Variants in EXOC4 observed in about 807,000 individuals in gnomAD.
EXOC4 encodes exocyst complex component 4.
In EXOC4, 71 loss-of-function variants were observed where a neutral mutation model predicts 107.2. The ratio of observed to expected loss-of-function variants is 0.66; its 90% CI spans 0.55 to 0.81. The LOEUF is 0.81. Ranked by LOEUF, EXOC4 falls within the 30% of genes least tolerant of loss-of-function variation. The probability of loss-of-function intolerance (pLI) is 0.00; values close to 1 mark genes in which losing one functional copy is unlikely to be tolerated. For missense variants in EXOC4, 1,108 were observed against 1,189.6 expected (o/e 0.93, Z 1.01); for synonymous variants, 456 against 441.2 (o/e 1.03, Z -0.42).
intron 10 of EXOC4, among the ~76,000 whole-genome samples, chr7:133,778,468 C>T (rs1420265514): frequency 6.6e-6 from 1 of 152,256 alleles, no homozygotes; most frequent in East Asian, 1.9e-4. Context: ...CCTGCAGTCT[C>T]AGCTACTGGG....
intron 9 of EXOC4, among the ~76,000 whole-genome samples, chr7:133,525,126 A>G (rs571270191): frequency 6.4e-4 from 98 of 152,278 alleles, no homozygotes; most frequent in Non-Finnish European, 9.3e-4. Flanking sequence ...GGAGTGCTTC[A>G]TAGTGTCCCT....
At chr7:133,967,524 T>C (rs560528065) in intron 14 of EXOC4, among the ~76,000 whole-genome samples, 1 of 152,362 alleles carries the variant, frequency 6.6e-6, no homozygotes, top group African/African-American at 2.4e-5. Flanking sequence ...TCTGGTATGT[T>C]GTGTCTTTGT....
chr7:133,518,698 G>T (rs1273977882), intron 9 of EXOC4, among the ~76,000 whole-genome samples: 1 of 152,120 alleles, frequency 6.6e-6, no homozygotes, highest in Non-Finnish European at 1.5e-5. Flanking sequence ...GCTACAACAT[G>T]GATGAACCTT....
intron 11 of EXOC4, among the ~76,000 whole-genome samples, chr7:133,836,389 A>G (rs1797919287): frequency 6.6e-6 from 1 of 152,172 alleles, no homozygotes; most frequent in South Asian, 2.1e-4. Context: ...CAATAGTAGA[A>G]TCTAGGCCCT....
chr7:133,533,393 A>T (rs1431591518), intron 9 of EXOC4, among the ~76,000 whole-genome samples: 1 of 152,158 alleles, frequency 6.6e-6, no homozygotes, highest in African/African-American at 2.4e-5. Flanking sequence ...AGGACATTGT[A>T]GCTTGTGGAT....
intron 7 of EXOC4, among the ~76,000 whole-genome samples, chr7:133,450,388 C>T (rs1356643327): frequency 2.0e-5 from 3 of 152,108 alleles, no homozygotes; most frequent in Non-Finnish European, 4.4e-5. Flanking sequence ...ATCTTGAACT[C>T]CTGTCCTCAA....
intron 7 of EXOC4, among the ~76,000 whole-genome samples, chr7:133,404,885 T>TAC (rs68148382): frequency 1.2e-4 from 11 of 94,276 alleles, no homozygotes; most frequent in African/African-American, 2.6e-4. Flanking sequence ...CCCCCCCCAA[T>TAC]ACACACACAC....
At chr7:133,912,052 T>A (rs1423984313) in intron 12 of EXOC4, among the ~76,000 whole-genome samples, 3 of 152,258 alleles carry the variant, frequency 2.0e-5, no homozygotes, top group Non-Finnish European at 2.9e-5. Flanking sequence ...TTTAGTTTTT[T>A]AAAAACCATT....
intron 14 of EXOC4, among the ~76,000 whole-genome samples, chr7:133,979,158 A>G (rs1793912294): frequency 6.6e-6 from 1 of 152,206 alleles, no homozygotes; most frequent in Non-Finnish European, 1.5e-5. Flanking sequence ...TGTATATATT[A>G]AAATAATTTA....
intron 11 of EXOC4, among the ~76,000 whole-genome samples, chr7:133,829,243 C>T (rs1470305925): frequency 6.6e-6 from 1 of 152,114 alleles, no homozygotes; most frequent in Admixed American, 6.5e-5. Flanking sequence ...AAAACTCTAC[C>T]AGGGAGGTCT....
intron 10 of EXOC4, among the ~76,000 whole-genome samples, chr7:133,707,206 A>G (rs1794786446): frequency 6.6e-6 from 1 of 152,144 alleles, no homozygotes; most frequent in African/African-American, 2.4e-5. Context: ...TATAGAATTT[A>G]ACATAGATCC....
At chr7:133,279,652 G>C (rs1207900573) in intron 2 of EXOC4, among the ~76,000 whole-genome samples, 1 of 152,082 alleles carries the variant, frequency 6.6e-6, no homozygotes, top group Non-Finnish European at 1.5e-5. Context: ...CTGAGTAGTT[G>C]GGACCATAGG....
intron 7 of EXOC4, among the ~76,000 whole-genome samples, chr7:133,392,375 C>T (rs1796872034): frequency 1.3e-5 from 2 of 152,100 alleles, no homozygotes; most frequent in African/African-American, 2.4e-5. Flanking sequence ...TGGTACCATC[C>T]CTCCTGGTGT....
intron 17 of EXOC4, among the ~76,000 whole-genome samples, chr7:134,026,051 G>A (rs1480703421): frequency 3.9e-5 from 6 of 152,132 alleles, no homozygotes; most frequent in African/African-American, 1.4e-4. Flanking sequence ...TGCTTTCAGT[G>A]CAAGGAGCAG....
Position 133,766,986 on chromosome 7 carries a change from C to T in EXOC4, c.1515-50339C>T, listed in dbSNP as rs566844837. ...CTTCTTCCTCTCACCCTTTGTCAGA[C>T]GCTAGATATTTTTAAATTTCCCTTA... On this transcript the variant is annotated intron_variant, in intron 10 of 17. Coordinates refer to ENST00000253861, the MANE Select transcript of EXOC4 (RefSeq NM_021807.4). 3.9e-5 allele frequency among the ~76,000 whole-genome samples: 6 copies of T among 152,002 alleles called. No homozygotes were observed. In the East Asian group the frequency reaches 7.8e-4, roughly 20 times the overall value.
At chr7:133,895,451 C>T (rs146685661) in intron 11 of EXOC4, 148 bp from the exon 12 acceptor site, 10 of 778,936 alleles carry the variant, frequency 1.3e-5, no homozygotes, top group South Asian at 8.5e-5. Flanking sequence ...CTTGGCTCCT[C>T]CCCCTGTTTT....
At chr7:133,717,212 C>T (rs1056088875) in intron 10 of EXOC4, among the ~76,000 whole-genome samples, 2 of 152,066 alleles carry the variant, frequency 1.3e-5, no homozygotes, top group African/African-American at 4.8e-5. Flanking sequence ...AGTGAAATTG[C>T]CTTTTGTGTG....
chr7:133,824,246 G>T (rs77557847), intron 11 of EXOC4, among the ~76,000 whole-genome samples: 1 of 151,786 alleles, frequency 6.6e-6, no homozygotes, highest in Non-Finnish European at 1.5e-5. Context: ...AGGTCTCTGC[G>T]TTGACTGCTT....
chr7:133,888,599 G>A (rs989341010), intron 11 of EXOC4, among the ~76,000 whole-genome samples: 4 of 152,078 alleles, frequency 2.6e-5, no homozygotes, highest in African/African-American at 4.8e-5. Flanking sequence ...CAGTGCTGTC[G>A]GCATCTAGCT....
Sources: gnomAD v4.1 joint callset for allele counts (sites outside exome capture counted in the v4.1 genomes callset) on GRCh38, gnomAD v4.1.1 for gene constraint, MANE v1.5 for transcripts, NCBI Gene and HGNC (gene_info 2026-07-23, HGNC 2026-07-21) for gene names.